Variants in NPSR1 observed in about 807,000 individuals in gnomAD.
NPSR1 encodes the protein neuropeptide S receptor.
Under a neutral mutation model 46.9 loss-of-function variants are expected in NPSR1, and 48 were observed. That is an observed-to-expected ratio of 1.02 (90% confidence interval 0.81 to 1.30). The LOEUF (loss-of-function observed/expected upper bound fraction) is 1.30, where lower values mean the gene tolerates loss of function less well. NPSR1 is among the 50% of genes most tolerant of loss of function. The pLI, the probability that NPSR1 is intolerant of heterozygous loss-of-function variation, is 0.00. For synonymous variants in NPSR1, 176 were observed against 168.1 expected, an observed-to-expected ratio of 1.05 and a Z score of -0.36; for missense variants, 450 against 449.5, an observed-to-expected ratio of 1.00 and a Z score of -0.01.
intron 2 of NPSR1, among the ~76,000 whole-genome samples, chr7:34,704,532 A>G (rs1794003831): frequency 6.6e-6 from 1 of 152,222 alleles, no homozygotes; most frequent in Admixed American, 6.5e-5. Context: ...TATTATCTTA[A>G]AAATATTTAA....
chr7:34,703,074 G>A (rs10081225), intron 2 of NPSR1, among the ~76,000 whole-genome samples: 57,579 of 152,122 alleles, frequency 0.38, 11,508 homozygotes, highest in African/African-American at 0.49. Flanking sequence ...TTATCAAAAG[G>A]AGCGGCCAGG....
intron 2 of NPSR1, among the ~76,000 whole-genome samples, chr7:34,717,426 C>G: frequency 6.6e-6 from 1 of 152,316 alleles, no homozygotes; most frequent in East Asian, 1.9e-4. Flanking sequence ...CCACTGCGCC[C>G]GGCCACATAA....
chr7:34,792,162 T>G (rs1787912121), intron 3 of NPSR1, among the ~76,000 whole-genome samples: 1 of 152,096 alleles, frequency 6.6e-6, no homozygotes, highest in African/African-American at 2.4e-5. Flanking sequence ...TGGCAGTGAT[T>G]TTTTTGGATA....
chr7:34,783,398 A>G (rs1787319330), intron 3 of NPSR1, among the ~76,000 whole-genome samples: 1 of 152,112 alleles, frequency 6.6e-6, no homozygotes, highest in Non-Finnish European at 1.5e-5. Context: ...ATGAGAACTT[A>G]CTATCATGAG....
intron 2 of NPSR1, among the ~76,000 whole-genome samples, chr7:34,685,441 G>A (rs1247132638): frequency 6.6e-6 from 1 of 152,166 alleles, no homozygotes; most frequent in Non-Finnish European, 1.5e-5. Context: ...CACACTTGGA[G>A]TCCTAAGCTC....
chr7:34,785,725 A>G (rs1787436199), intron 3 of NPSR1, among the ~76,000 whole-genome samples: 1 of 152,158 alleles, frequency 6.6e-6, no homozygotes, highest in Non-Finnish European at 1.5e-5. Context: ...GTTCAATTCC[A>G]GAATGCCTAA....
chr7:34,732,880 C>T (rs908022687), intron 2 of NPSR1, among the ~76,000 whole-genome samples: 2 of 151,942 alleles, frequency 1.3e-5, no homozygotes, highest in East Asian at 3.8e-4. Context: ...ATGGTGGTGG[C>T]CGTTAAGAGT....
Position 34,848,659 on chromosome 7 carries a change from T to G in NPSR1, c.1021T>G (p.Cys341Gly). 6.2e-7 allele frequency: 1 copy of G among 1,613,656 alleles called. No homozygotes were observed. The highest frequency in any genetic ancestry group is 1.1e-5 in the South Asian group (1 of 91,056). ...CVFSSSISFPCREQRSQDSRM... is the reference protein window; with the variant it reads ...CVFSSSISFPGREQRSQDSRM... ...CTTCAGCAGCTCCATCTCTTTCCCC[T>G]GCAGGTAAGGGGAGCTCTTGCATGG... The change falls in exon 8 of 9, where the codon TGC becomes GGC. Residue 341 changes from cysteine to glycine, a missense_variant. By Grantham distance (159) the Cys-to-Gly change is radical. Coordinates refer to ENST00000360581, the MANE Select transcript of NPSR1 (RefSeq NM_207172.2).
intron 8 of NPSR1, among the ~76,000 whole-genome samples, chr7:34,861,075 T>A (rs1322915196): frequency 1.3e-5 from 2 of 151,852 alleles, no homozygotes; most frequent in East Asian, 1.9e-4. Flanking sequence ...TGAGGCTTCG[T>A]TCCAGGCAAC....
At chr7:34,778,919 C>A (rs1029384225) in intron 3 of NPSR1, among the ~76,000 whole-genome samples, 1 of 152,076 alleles carries the variant, frequency 6.6e-6, no homozygotes, top group Admixed American at 6.6e-5. Context: ...ATGAACTCAA[C>A]GCTGGCTACT....
chr7:34,737,495 C>T (rs1047049915), intron 2 of NPSR1, among the ~76,000 whole-genome samples: 10 of 152,196 alleles, frequency 6.6e-5, no homozygotes, highest in African/African-American at 2.4e-4. Context: ...CATTCCCATT[C>T]AAATTGTCTA....
At chr7:34,705,059 A>AT (rs1455905512) in intron 2 of NPSR1, among the ~76,000 whole-genome samples, 1 of 152,060 alleles carries the variant, frequency 6.6e-6, no homozygotes, top group East Asian at 1.9e-4. Context: ...TATGGTCTCT[A>AT]TATTGTCTCT....
chr7:34,684,917 T>C (rs1435163307), intron 2 of NPSR1, among the ~76,000 whole-genome samples: 1 of 152,226 alleles, frequency 6.6e-6, no homozygotes, highest in East Asian at 1.9e-4. Flanking sequence ...GGAAATATCA[T>C]TATCAGTATC....
At chr7:34,722,142 A>G (rs1189500266) in intron 2 of NPSR1, among the ~76,000 whole-genome samples, 1 of 152,190 alleles carries the variant, frequency 6.6e-6, no homozygotes. Context: ...AAGGATGGGT[A>G]TAATAGTTTC....
chr7:34,728,021 A>C (rs1784246503), intron 2 of NPSR1, among the ~76,000 whole-genome samples: 1 of 151,444 alleles, frequency 6.6e-6, no homozygotes, highest in Non-Finnish European at 1.5e-5. Context: ...ATGGAAAACC[A>C]CCATCTGGGA....
chr7:34,848,418 G>C, intron 7 of NPSR1, 65 bp from the exon 8 acceptor site: 3 of 1,457,480 alleles, frequency 2.1e-6, no homozygotes, highest in Non-Finnish European at 2.8e-6. Flanking sequence ...GTCCAGTCAG[G>C]ACCAACCAAA....
intron 4 of NPSR1, among the ~76,000 whole-genome samples, chr7:34,821,000 C>T (rs893337988): frequency 1.3e-5 from 2 of 152,094 alleles, no homozygotes; most frequent in Admixed American, 1.3e-4. Flanking sequence ...CCGCACTGCC[C>T]ATCATGGCTT....
At chr7:34,744,026 C>G (rs1297267441) in intron 2 of NPSR1, among the ~76,000 whole-genome samples, 1 of 152,102 alleles carries the variant, frequency 6.6e-6, no homozygotes, top group Non-Finnish European at 1.5e-5. Flanking sequence ...TTAAAATCTG[C>G]TCTATCCTTG....
At chr7:34,732,906 T>C (rs1784493978) in intron 2 of NPSR1, among the ~76,000 whole-genome samples, 1 of 152,168 alleles carries the variant, frequency 6.6e-6, no homozygotes. Context: ...TGGTAGTTCT[T>C]GGACAGAAAA....
Sources: gnomAD v4.1 joint callset for allele counts (sites outside exome capture counted in the v4.1 genomes callset) on GRCh38, gnomAD v4.1.1 for gene constraint, MANE v1.5 for transcripts, NCBI Gene and HGNC (gene_info 2026-07-23, HGNC 2026-07-21) for gene names.